The following GRM8 variants were observed in gnomAD, a reference collection of about 807,000 sequenced individuals.
The protein encoded by GRM8 is glutamate metabotropic receptor 8, also known as metabotropic glutamate receptor 8.
A neutral mutation model predicts 87.2 loss-of-function variants in GRM8; 47 were observed. The observed-to-expected ratio is 0.54, with a 90% CI of 0.43 to 0.69. The LOEUF (loss-of-function observed/expected upper bound fraction) is 0.69, where lower values mean the gene tolerates loss of function less well. Ranked by LOEUF, GRM8 falls within the 30% of genes least tolerant of loss-of-function variation. GRM8 has a pLI of 0.00. For synonymous variants in GRM8, 396 were observed against 404.5 expected, an observed-to-expected ratio of 0.98 and a Z score of 0.25; for missense variants, 1,019 against 1,139.2, an observed-to-expected ratio of 0.89 and a Z score of 1.52.
chr7:126,774,182 C>T (rs1196585579), intron 6 of GRM8, among the ~76,000 whole-genome samples: 1 of 152,122 alleles, frequency 6.6e-6, no homozygotes, highest in Non-Finnish European at 1.5e-5. Flanking sequence ...GATTTCTTTT[C>T]AGGCTGTTTA....
chr7:127,012,886 A>G (rs1291431822), intron 3 of GRM8, among the ~76,000 whole-genome samples: 1 of 152,176 alleles, frequency 6.6e-6, no homozygotes, highest in Admixed American at 6.5e-5. Flanking sequence ...AAGGGTTTAG[A>G]AGGTGTATTA....
intron 9 of GRM8, among the ~76,000 whole-genome samples, chr7:126,518,318 T>C (rs2299451): frequency 0.33 from 50,658 of 151,936 alleles, 9,416 homozygotes; most frequent in Non-Finnish European, 0.4. Flanking sequence ...ACATTTTGAA[T>C]GACAAACAAG....
intron 7 of GRM8, among the ~76,000 whole-genome samples, chr7:126,728,306 C>T (rs755193743): frequency 1.1e-4 from 16 of 152,270 alleles, no homozygotes; most frequent in Middle Eastern, 3.4e-3. Flanking sequence ...TTGCTGACAG[C>T]GCTGCTTGGA....
At chr7:126,606,126 AT>A (rs1798319937) in intron 8 of GRM8, among the ~76,000 whole-genome samples, 1 of 152,138 alleles carries the variant, frequency 6.6e-6, no homozygotes, top group African/African-American at 2.4e-5. Context: ...GTGCAGAGGG[AT>A]TTTCCAAGTA....
chr7:127,121,257 T>C lies in GRM8; in HGVS notation c.511-14545A>G, dbSNP rs528974849. On this transcript the variant is annotated intron_variant, in intron 2 of 10. Coordinates refer to ENST00000339582, the MANE Select transcript of GRM8 (RefSeq NM_000845.3). ...CGAATTAGCTCATTTTCAGGAGACT[T>C]GGCCTATAGAGGTTATAGAGCTGAA... Among the ~76,000 whole-genome samples, 6 of 152,212 alleles carry C rather than the reference T, an allele frequency of 3.9e-5. No homozygotes were observed. In the East Asian group the frequency reaches 9.6e-4, roughly 24 times the overall value.
intron 6 of GRM8, among the ~76,000 whole-genome samples, chr7:126,797,872 C>T (rs1216214076): frequency 6.6e-6 from 1 of 151,982 alleles, no homozygotes; most frequent in Non-Finnish European, 1.5e-5. Flanking sequence ...TGGCTCAAGC[C>T]CAATACTATC....
At chr7:126,645,127 C>T (rs904222326) in intron 7 of GRM8, among the ~76,000 whole-genome samples, 3 of 152,134 alleles carry the variant, frequency 2.0e-5, no homozygotes, top group Non-Finnish European at 4.4e-5. Flanking sequence ...TGCTCAGGGA[C>T]CAAAAACCAC....
intron 3 of GRM8, among the ~76,000 whole-genome samples, chr7:127,052,761 A>G (rs138351573): frequency 2.6e-5 from 4 of 152,180 alleles, no homozygotes; most frequent in African/African-American, 9.6e-5. Context: ...TTTTCAATGA[A>G]AGAAAGCTTA....
chr7:126,611,107 G>A (rs1798871464), intron 7 of GRM8, among the ~76,000 whole-genome samples: 1 of 152,066 alleles, frequency 6.6e-6, no homozygotes, highest in African/African-American at 2.4e-5. Context: ...CATGAGAAAT[G>A]ACTTTATATA....
chr7:126,617,206 G>A (rs2151126851), intron 7 of GRM8, among the ~76,000 whole-genome samples: 1 of 152,266 alleles, frequency 6.6e-6, no homozygotes, highest in African/African-American at 2.4e-5. Context: ...TCCCAGGGAT[G>A]CAAGGCTGGT....
intron 6 of GRM8, among the ~76,000 whole-genome samples, chr7:126,816,270 T>C (rs1175861295): frequency 6.6e-6 from 1 of 152,148 alleles, no homozygotes; most frequent in Non-Finnish European, 1.5e-5. Context: ...TCTTTGCTTT[T>C]TTAAATTCAA....
chr7:126,460,182 T>C (rs143484207), intron 9 of GRM8, among the ~76,000 whole-genome samples: 3 of 151,682 alleles, frequency 2.0e-5, no homozygotes, highest in African/African-American at 2.4e-5. Flanking sequence ...CTGATGTAGA[T>C]ATATGGGTCT....
chr7:126,716,346 T>C (rs1446802394), intron 7 of GRM8, among the ~76,000 whole-genome samples: 2 of 151,952 alleles, frequency 1.3e-5, no homozygotes, highest in Non-Finnish European at 2.9e-5. Context: ...TGTGAAGCAG[T>C]TAGCCAGAGA....
In GRM8 at chr7:126,788,409, C is replaced by CAAAAAAAAAAAAAAAAAAAAA. The variant is rs67131936; in HGVS notation, c.1157-18345_1157-18344insTTTTTTTTTTTTTTTTTTTTT. 1.7e-3 allele frequency among the ~76,000 whole-genome samples: 18 copies of CAAAAAAAAAAAAAAAAAAAAA among 10,782 alleles called. 1 individual carries two copies. Among genetic ancestry groups the CAAAAAAAAAAAAAAAAAAAAA allele is most frequent in the Admixed American group, 5.8e-3 (4 of 688 alleles). 7.1% of individuals were successfully genotyped at this position (10,782 alleles called of 152,430 possible). On this transcript the variant is annotated intron_variant, in intron 6 of 10. Coordinates refer to ENST00000339582, the MANE Select transcript of GRM8 (RefSeq NM_000845.3). ...TGGGTATCAGAGCAAGACTCCATCT[C>CAAAAAAAAAAAAAAAAAAAAA]AAAAAAAAAAAAAACCCTTTCAGAT...
chr7:127,017,642 C>G (rs1419435), intron 3 of GRM8, among the ~76,000 whole-genome samples: 56,477 of 151,748 alleles, frequency 0.37, 10,837 homozygotes, highest in Non-Finnish European at 0.42. Flanking sequence ...TTTGGAACTT[C>G]TTGAGTGTGG....
At chr7:126,639,447 G>A (rs1384349731) in intron 7 of GRM8, among the ~76,000 whole-genome samples, 1 of 152,112 alleles carries the variant, frequency 6.6e-6, no homozygotes, top group Non-Finnish European at 1.5e-5. Flanking sequence ...GGGACATGAA[G>A]ACAATTCCAT....
At chr7:127,024,384 T>C (rs1816568940) in intron 3 of GRM8, among the ~76,000 whole-genome samples, 1 of 152,104 alleles carries the variant, frequency 6.6e-6, no homozygotes, top group Non-Finnish European at 1.5e-5. Flanking sequence ...ATCAGGGGTT[T>C]CCACTGTTTT....
chr7:126,992,790 G>A (rs182816224), intron 3 of GRM8, among the ~76,000 whole-genome samples: 55 of 151,608 alleles, frequency 3.6e-4, no homozygotes, highest in African/African-American at 1.3e-3. Context: ...ACCAGAGAGC[G>A]TGCCATCTCT....
intron 7 of GRM8, among the ~76,000 whole-genome samples, chr7:126,663,488 A>G (rs1805424729): frequency 6.6e-6 from 1 of 152,248 alleles, no homozygotes; most frequent in African/African-American, 2.4e-5. Flanking sequence ...CTGGTTCAAC[A>G]TATGCAAATC....
Sources: gnomAD v4.1 joint callset for allele counts (sites outside exome capture counted in the v4.1 genomes callset) on GRCh38, gnomAD v4.1.1 for gene constraint, MANE v1.5 for transcripts, NCBI Gene and HGNC (gene_info 2026-07-23, HGNC 2026-07-21) for gene names.